GRM8: variants seen among roughly 807,000 people sequenced by gnomAD.
GRM8 encodes the protein metabotropic glutamate receptor 8.
GRM8 carries 47 observed loss-of-function variants against 87.2 expected under a neutral mutation model. The observed-to-expected ratio is 0.54, with a 90% CI of 0.43 to 0.69. The LOEUF (loss-of-function observed/expected upper bound fraction) is 0.69. GRM8 is among the 30% of genes least tolerant of loss of function. The pLI, the probability that GRM8 is intolerant of heterozygous loss-of-function variation, is 0.00. For missense variants in GRM8, 1,019 were observed against 1,139.2 expected (o/e 0.89, Z 1.52); for synonymous variants, 396 against 404.5 (o/e 0.98, Z 0.25).
At chr7:126,878,937 T>C (rs1586296760) in intron 6 of GRM8, among the ~76,000 whole-genome samples, 1 of 151,312 alleles carries the variant, frequency 6.6e-6, no homozygotes. Flanking sequence ...TGGAGGCAGG[T>C]CGATCACCTG....
chr7:127,176,213 T>C (rs1794097797), intron 2 of GRM8, among the ~76,000 whole-genome samples: 1 of 151,866 alleles, frequency 6.6e-6, no homozygotes, highest in Non-Finnish European at 1.5e-5. Context: ...GGAGATAAAA[T>C]AAAATCACAT....
chr7:127,026,734 T>C (rs1816819059), intron 3 of GRM8, among the ~76,000 whole-genome samples: 1 of 152,200 alleles, frequency 6.6e-6, no homozygotes, highest in African/African-American at 2.4e-5. Flanking sequence ...AGATTCTGGA[T>C]ATTAGTGCCT....
intron 9 of GRM8, among the ~76,000 whole-genome samples, chr7:126,494,749 A>G (rs1759221089): frequency 6.6e-6 from 1 of 152,102 alleles, no homozygotes; most frequent in South Asian, 2.1e-4. Context: ...TGCCACTGTT[A>G]AAAATGCAGA....
chr7:127,160,645 T>TTTTCCC (rs1793049915), intron 2 of GRM8, among the ~76,000 whole-genome samples: 1 of 152,030 alleles, frequency 6.6e-6, no homozygotes, highest in African/African-American at 2.4e-5. Context: ...GGGTGGGCCT[T>TTTTCCC]TTTCCCTTTT....
At chr7:126,922,358 C>T (rs1804617809) in intron 3 of GRM8, among the ~76,000 whole-genome samples, 1 of 151,902 alleles carries the variant, frequency 6.6e-6, no homozygotes, top group Non-Finnish European at 1.5e-5. Context: ...CATCCATGTG[C>T]AATGTGTGTA....
chr7:127,173,089 G>T (rs958435848), intron 2 of GRM8, among the ~76,000 whole-genome samples: 8 of 152,148 alleles, frequency 5.3e-5, no homozygotes, highest in African/African-American at 1.9e-4. Context: ...CCAAGCACTG[G>T]TCTAGGCACC....
At chr7:126,799,165 T>G (rs1057204336) in intron 6 of GRM8, among the ~76,000 whole-genome samples, 1 of 152,194 alleles carries the variant, frequency 6.6e-6, no homozygotes, top group Admixed American at 6.5e-5. Context: ...TGGGAAAAGA[T>G]AGAAATGCAG....
chr7:126,737,341 G>A (rs183993848), intron 7 of GRM8, among the ~76,000 whole-genome samples: 91 of 151,936 alleles, frequency 6.0e-4, no homozygotes, highest in Non-Finnish European at 8.2e-4. Flanking sequence ...GACTCCTTAC[G>A]ATTTCATCTC....
intron 7 of GRM8, among the ~76,000 whole-genome samples, chr7:126,616,569 A>G (rs1799515881): frequency 6.6e-6 from 1 of 152,250 alleles, no homozygotes; most frequent in Non-Finnish European, 1.5e-5. Flanking sequence ...AACTCTTCAA[A>G]AAATCAATGA....
intron 6 of GRM8, among the ~76,000 whole-genome samples, chr7:126,770,621 T>C (rs1350722202): frequency 1.3e-5 from 2 of 152,074 alleles, no homozygotes; most frequent in African/African-American, 2.4e-5. Context: ...CAATTTTCTA[T>C]TTAGAATTTC....
At chr7:126,834,939 G>A (rs1046236782) in intron 6 of GRM8, among the ~76,000 whole-genome samples, 1 of 151,814 alleles carries the variant, frequency 6.6e-6, no homozygotes. Flanking sequence ...AGCCAGGTGT[G>A]GTGGTGTGTG....
intron 3 of GRM8, among the ~76,000 whole-genome samples, chr7:127,063,170 G>A (rs749831680): frequency 8.0e-5 from 12 of 150,186 alleles, no homozygotes; most frequent in South Asian, 2.1e-4. Flanking sequence ...GGAGAATGGC[G>A]TGAACCCAGG....
chr7:127,079,878 T>C (rs117224883), intron 3 of GRM8, among the ~76,000 whole-genome samples: 1,729 of 152,258 alleles, frequency 0.011, 6 homozygotes, highest in Middle Eastern at 0.02. Context: ...CCCCATCCTG[T>C]AAAAGTTTAA....
chr7:126,530,886 T>C (rs1182561225), intron 9 of GRM8, among the ~76,000 whole-genome samples: 1 of 152,206 alleles, frequency 6.6e-6, no homozygotes, highest in Non-Finnish European at 1.5e-5. Flanking sequence ...TAGCTCACTA[T>C]AACCTTGAAC....
chr7:126,863,406 T>G (rs533238629), intron 6 of GRM8, among the ~76,000 whole-genome samples: 2 of 152,284 alleles, frequency 1.3e-5, no homozygotes, highest in South Asian at 2.1e-4. Context: ...TCTAAACAGT[T>G]AATATGTTTT....
At chr7:126,763,534 G>GTTTC (rs1379409098) in intron 7 of GRM8, among the ~76,000 whole-genome samples, 1 of 121,824 alleles carries the variant, frequency 8.2e-6, no homozygotes, top group African/African-American at 2.7e-5. Context: ...ATCATTCTAT[G>GTTTC]TTTCTGACTA....
intron 7 of GRM8, among the ~76,000 whole-genome samples, chr7:126,721,162 A>G (rs1417972838): frequency 2.0e-5 from 3 of 152,268 alleles, no homozygotes; most frequent in South Asian, 2.1e-4. Context: ...ATCTGTCACT[A>G]TTTCTTCACA....
chr7:127,082,686 A>C (rs918885495), intron 3 of GRM8, among the ~76,000 whole-genome samples: 8 of 152,186 alleles, frequency 5.3e-5, no homozygotes, highest in Non-Finnish European at 1.2e-4. Flanking sequence ...CTACTGCGTA[A>C]ATGTTTCCTC....
intron 2 of GRM8, among the ~76,000 whole-genome samples, chr7:127,170,958 C>G (rs988576568): frequency 6.6e-6 from 1 of 151,990 alleles, no homozygotes; most frequent in African/African-American, 2.4e-5. Flanking sequence ...TTCATGTAAC[C>G]AAACACCATC....
Sources: allele counts gnomAD v4.1 joint callset (sites outside exome capture counted in the v4.1 genomes callset), GRCh38; gene constraint gnomAD v4.1.1; transcripts MANE v1.5; gene names NCBI Gene and HGNC (gene_info 2026-07-23, HGNC 2026-07-21).